TEAD1: variants seen among roughly 807,000 people sequenced by gnomAD.
TEAD1 encodes the protein TEA domain transcription factor 1, also known as transcriptional enhancer factor TEF-1.
Under a neutral mutation model 54.9 loss-of-function variants are expected in TEAD1, and 9 were observed. That is an observed-to-expected ratio of 0.16 (90% CI 0.10 to 0.29). The LOEUF is 0.29. Among genes scored for constraint, TEAD1 ranks in the 10% least tolerant of loss-of-function variants. The pLI is 1.00. For missense variants in TEAD1, 387 were observed against 535.9 expected, an observed-to-expected ratio of 0.72 and a Z score of 2.74; for synonymous variants, 200 against 187.8, an observed-to-expected ratio of 1.07 and a Z score of -0.53.
intron 2 of TEAD1, among the ~76,000 whole-genome samples, chr11:12,721,598 C>A (rs920518740): frequency 2.0e-4 from 30 of 152,300 alleles, no homozygotes; most frequent in African/African-American, 5.3e-4. Flanking sequence ...CCCATTATTT[C>A]AACGAACAGT....
At chr11:12,884,511 G>A (rs1031811328) in intron 9 of TEAD1, among the ~76,000 whole-genome samples, 8 of 152,130 alleles carry the variant, frequency 5.3e-5, no homozygotes, top group Admixed American at 2.0e-4. Context: ...GACCTCTCAC[G>A]GGAGTGTTTG....
Position 12,934,330 on chromosome 11 carries a change from T to C in TEAD1, c.1168-2779T>C, listed in dbSNP as rs1251799011. On this transcript the variant is annotated intron_variant, in intron 12 of 12. Transcript: ENST00000527636. ...GCATGTTCTCACTCATAGGTGGGAA[T>C]TGAACAATGAGAACACATGGACACA... is the stretch of plus-strand genomic sequence containing the variant. Among the ~76,000 whole-genome samples, 6 of 151,946 alleles carry C rather than the reference T, an allele frequency of 3.9e-5. No homozygotes were observed. The East Asian group carries it at 5.8e-4, about 15-fold the overall frequency.
At chr11:12,875,521 T>G (rs949211522) in intron 5 of TEAD1, among the ~76,000 whole-genome samples, 2 of 152,324 alleles carry the variant, frequency 1.3e-5, no homozygotes, top group African/African-American at 4.8e-5. Flanking sequence ...ATTTCCAGGG[T>G]CACATTAGAT....
chr11:12,794,136 C>G (rs1945863707), intron 3 of TEAD1, among the ~76,000 whole-genome samples: 1 of 152,218 alleles, frequency 6.6e-6, no homozygotes. Flanking sequence ...AATTCAAACC[C>G]TACTACCACT....
chr11:12,814,991 G>A (rs1020567895), intron 3 of TEAD1, among the ~76,000 whole-genome samples: 5 of 152,138 alleles, frequency 3.3e-5, no homozygotes, highest in Admixed American at 1.3e-4. Flanking sequence ...AGTGCAGAAC[G>A]GGCCTGTAAT....
At chr11:12,684,869 C>G (rs1943301657) in intron 2 of TEAD1, among the ~76,000 whole-genome samples, 1 of 152,230 alleles carries the variant, frequency 6.6e-6, no homozygotes, top group Non-Finnish European at 1.5e-5. Flanking sequence ...GGTTGCCCAT[C>G]TCTTTAGCCA....
At chr11:12,869,726 C>T (rs974203022) in intron 5 of TEAD1, among the ~76,000 whole-genome samples, 4 of 151,792 alleles carry the variant, frequency 2.6e-5, no homozygotes, top group Admixed American at 6.6e-5. Context: ...GTACTTTTTC[C>T]TCTACCCACC....
chr11:12,832,934 A>T (rs1946812222), intron 3 of TEAD1, among the ~76,000 whole-genome samples: 1 of 152,214 alleles, frequency 6.6e-6, no homozygotes, highest in Admixed American at 6.5e-5. Context: ...TCAGGGGACC[A>T]CTAATAACTA....
intron 3 of TEAD1, among the ~76,000 whole-genome samples, chr11:12,837,709 C>CTTCTCCCTTCTCCCTTCTCCT (rs1554940167): frequency 3.4e-5 from 5 of 146,480 alleles, no homozygotes; most frequent in African/African-American, 5.2e-5. Flanking sequence ...TCCCTTCTCC[C>CTTCTCCCTTCTCCCTTCTCCT]TTCTCCTTCT....
chr11:12,890,569 G>T (rs1322944618), intron 9 of TEAD1, among the ~76,000 whole-genome samples: 1 of 152,128 alleles, frequency 6.6e-6, no homozygotes, highest in Non-Finnish European at 1.5e-5. Flanking sequence ...TAACAGGATC[G>T]CTGCCATGCT....
intron 3 of TEAD1, among the ~76,000 whole-genome samples, chr11:12,786,726 G>T (rs1945684744): frequency 6.6e-6 from 1 of 152,116 alleles, no homozygotes; most frequent in Admixed American, 6.5e-5. Context: ...GACAAGAGTT[G>T]GTGAACTCAT....
chr11:12,805,548 A>G (rs1033209970), intron 3 of TEAD1, among the ~76,000 whole-genome samples: 3 of 152,220 alleles, frequency 2.0e-5, no homozygotes, highest in African/African-American at 7.2e-5. Flanking sequence ...ATGTAGAACC[A>G]CTAGAATTAG....
At chr11:12,689,011 C>CG (rs1279555313) in intron 2 of TEAD1, among the ~76,000 whole-genome samples, 1 of 149,444 alleles carries the variant, frequency 6.7e-6, no homozygotes, top group African/African-American at 2.5e-5. Context: ...TGTTGTTTTT[C>CG]TGTTTTTTTT....
At chr11:12,689,917 G>C (rs1170796495) in intron 2 of TEAD1, among the ~76,000 whole-genome samples, 1 of 151,794 alleles carries the variant, frequency 6.6e-6, no homozygotes, top group Admixed American at 6.6e-5. Flanking sequence ...ACCAACTATT[G>C]ATACCGTGAT....
intron 11 of TEAD1, among the ~76,000 whole-genome samples, chr11:12,929,101 G>A (rs1391010406): frequency 6.6e-6 from 1 of 151,508 alleles, no homozygotes; most frequent in Non-Finnish European, 1.5e-5. Context: ...TTTTGACTCA[G>A]TGTTAGCAAG....
intron 9 of TEAD1, among the ~76,000 whole-genome samples, chr11:12,901,636 A>G (rs1948427824): frequency 6.6e-6 from 1 of 152,216 alleles, no homozygotes; most frequent in African/African-American, 2.4e-5. Context: ...AAATTGGGTA[A>G]TACAATTGTT....
rs555955519 is a variant in TEAD1, at chr11:12,941,956, T to C, written c.*4734T>C. 5 of 152,700 alleles carry C rather than the reference T, an allele frequency of 3.3e-5. No homozygotes were observed. Among genetic ancestry groups the C allele is most frequent in the Non-Finnish European group, 5.9e-5 (4 of 68,026 alleles). 9.5% of individuals were successfully genotyped at this position (152,700 alleles called of 1,614,324 possible). A position where few individuals can be genotyped will look rare whatever the true frequency, so the allele number is the denominator to read the frequency against. On this transcript the variant is annotated 3_prime_UTR_variant, in exon 13 of 13. Transcript: ENST00000527636. ...TGTTCATTTACGAATTGGCCCAATA[T>C]TGGAAACAAAACAAGCAAAAATTGT...
intron 9 of TEAD1, among the ~76,000 whole-genome samples, chr11:12,901,668 A>T (rs560967319): frequency 3.9e-4 from 60 of 152,318 alleles, no homozygotes; most frequent in African/African-American, 1.4e-3. Context: ...TAGCTGGGTA[A>T]CTTAAGCTGT....
chr11:12,804,320 G>T (rs1244429363), intron 3 of TEAD1, among the ~76,000 whole-genome samples: 2 of 152,188 alleles, frequency 1.3e-5, no homozygotes, highest in Non-Finnish European at 2.9e-5. Flanking sequence ...CCTAGCGGTG[G>T]TCCCTGGGAC....
Sources: allele counts gnomAD v4.1 joint callset (sites outside exome capture counted in the v4.1 genomes callset), GRCh38; gene constraint gnomAD v4.1.1; transcripts MANE v1.5; gene names NCBI Gene and HGNC (gene_info 2026-07-23, HGNC 2026-07-21).